The following FAM83H variants were observed in gnomAD, a reference collection of about 807,000 sequenced individuals.
FAM83H encodes the protein protein FAM83H.
FAM83H carries 24 observed loss-of-function variants against 30.2 expected under a neutral mutation model. The observed-to-expected ratio is 0.79, with a 90% CI of 0.57 to 1.12. The LOEUF is 1.12. Among genes scored for constraint, FAM83H ranks in the 50% most tolerant of loss-of-function variants. The pLI is 0.00. For missense variants in FAM83H, 2,038 were observed against 1,773.9 expected (o/e 1.15, Z -2.67); for synonymous variants, 1,013 against 821.7 (o/e 1.23, Z -3.98).
chr8:143,727,591 C>A lies in FAM83H; in HGVS notation c.1870G>T (p.Asp624Tyr). The A allele has an allele frequency of 6.3e-7, 1 of 1,583,994 alleles. No individual in the cohort carries two copies. Residue 624 changes from aspartate to tyrosine, a missense_variant, in exon 5 of 5, where the codon GAC (aspartate) becomes TAC (tyrosine). Physicochemically the swap from Asp to Tyr is radical, Grantham distance 160. Transcript: ENST00000388913. The stretch of plus-strand genomic sequence containing the variant: ...ACGCGGAAGGCCGAGGGGAGCAGGT[C>A]GCCGGCAGGTGCCCGGCCCCCGGGA... ...LAPGGRAPAGDLLPSAFRVPA... is the reference protein window; with the variant it reads ...LAPGGRAPAGYLLPSAFRVPA...
At chr8:143,730,686 CAG>C in intron 1 of FAM83H, 89 bp from the exon 2 acceptor site, 1 of 977,100 alleles carries the variant, frequency 1.0e-6, no homozygotes, top group East Asian at 2.7e-5. Flanking sequence ...AAAGGGCCGT[CAG>C]TGACTTGGGT....
At position 143,726,506 on chromosome 8, in the gene FAM83H, AC is replaced by A; in HGVS notation, c.2954del (p.Gly985ValfsTer87). On this transcript the variant is annotated frameshift_variant, in exon 5 of 5. Coordinates refer to ENST00000388913, the MANE Select transcript of FAM83H (RefSeq NM_198488.5). LOFTEE classifies it high-confidence loss of function. ...PKGERRMEDE[G>X]GFPVPQENGQ... Reference sequence around the variant, plus strand: ...CGTTCTCCTGCGGCACTGGGAAGCCACCCTCATCCTCCATGCGCCGCTCGCC... The same window carrying A: ...CGTTCTCCTGCGGCACTGGGAAGCCACCTCATCCTCCATGCGCCGCTCGCC... 1 of 1,605,996 alleles carries A rather than the reference AC, an allele frequency of 6.2e-7. No individual in the cohort carries two copies.
Position 143,727,366 on chromosome 8 carries a change from C to T in FAM83H, c.2095G>A (p.Ala699Thr). Reference protein sequence around the residue: ...STSQAEGAAGAAAATEKVQLL... With the variant: ...STSQAEGAAGTAAATEKVQLL... ...TGCACCTTCTCAGTGGCCGCCGCAG[C>T]CCCGGCCGCGCCCTCGGCCTGTGAC... is the stretch of plus-strand genomic sequence containing the variant. Residue 699 changes from alanine (A) to threonine (T), a missense_variant, in exon 5 of 5, where the codon GCT becomes ACT. Ala to Thr is a moderately conservative substitution (Grantham distance 58). Coordinates refer to ENST00000388913, the MANE Select transcript of FAM83H (RefSeq NM_198488.5). 8 of 1,569,774 alleles carry T rather than the reference C, an allele frequency of 5.1e-6. No individual in the cohort carries two copies. Among genetic ancestry groups the T allele is most frequent in the African/African-American group, 1.3e-5 (1 of 74,572 alleles).
Position 143,730,483 on chromosome 8 carries a change from C to A in FAM83H, c.100G>T (p.Ala34Ser). 1 of 1,608,004 alleles carries A rather than the reference C, an allele frequency of 6.2e-7. No individual in the cohort carries two copies. Residue 34 changes from alanine to serine, a missense_variant, in exon 2 of 5, where the codon GCA becomes TCA. Ala to Ser is a moderately conservative substitution (Grantham distance 99). Transcript: ENST00000388913. ...YKEYYRLAVD[A>S]LAEGGSEAYS... ...GCCTCCGAGCCACCCTCGGCCAGTG[C>A]ATCCACCGCCAGGCGGTAGTACTCT...
rs1011904159 is a variant in FAM83H at position 143,733,030 on chromosome 8, G to A, written c.-16+661C>T. ...ACAAAGTGGGGTGAACCTGTGCCAA[G>A]TTCCGATGGGCGCAGGAGGGCGCGG... On this transcript the variant is annotated intron_variant, in intron 1 of 4. Transcript: ENST00000388913. This position sits in a 1 kb window ranked among gnomAD's most constrained non-coding sequence, Gnocchi z 5.6. The A allele has an allele frequency of 6.5e-6, 1 of 154,466 alleles. No individual in the cohort carries two copies. The highest frequency in any genetic ancestry group is 1.5e-5 in the Non-Finnish European group (1 of 68,268). The allele number at this position is 154,466 out of a possible 1,614,324, so 9.6% of individuals were successfully genotyped here. A position where few individuals can be genotyped will look rare whatever the true frequency, so the allele number is the denominator to read the frequency against.
At position 143,729,333 on chromosome 8, in the gene FAM83H, C is replaced by T. The variant is rs782820331; in HGVS notation, c.448-10G>A. On this transcript the variant is annotated splice_polypyrimidine_tract_variant and intron_variant, in intron 2 of 4. Coordinates refer to ENST00000388913, the MANE Select transcript of FAM83H (RefSeq NM_198488.5). ...TCACCACGGCCACCACCTGCAGGGG[C>T]GGGTCAGGACGGAGAGGAGAGGCCC... is the stretch of plus-strand genomic sequence containing the variant. The T allele has an allele frequency of 2.5e-5, 40 of 1,612,468 alleles. No homozygotes were observed. Among genetic ancestry groups the T allele is most frequent in the Middle Eastern group, 1.6e-4 (1 of 6,064 alleles).
chr8:143,726,398 C>A lies in FAM83H; in HGVS notation c.3063G>T (p.Ala1021=). The change falls in exon 5 of 5, where the codon GCG becomes GCT. Residue 1021 remains alanine (A), a synonymous_variant. Transcript: ENST00000388913. The stretch of plus-strand genomic sequence containing the variant: ...CGTTGGCCGTGGCTGAGGACAGGCG[C>A]GCCCGCGGACCCCGCTCTTCTGTGG... ...EAATEERGPR[A]RLSSATANAL... 6.2e-7 allele frequency: 1 copy of A among 1,607,184 alleles called. No homozygotes were observed. Among genetic ancestry groups the A allele is most frequent in the South Asian group, 1.1e-5 (1 of 90,416 alleles).
Position 143,733,506 on chromosome 8 carries a change from T to G in FAM83H, c.-16+185A>C, listed in dbSNP as rs1818606783. ...TCCATATCCGCACAGCGGCGCCCCC[T>G]GTCCGAGCAGCCCCGCCACCCCGGC... On this transcript the variant is annotated intron_variant, in intron 1 of 4. Transcript: ENST00000388913. This position sits in a 1 kb window ranked among gnomAD's most constrained non-coding sequence, Gnocchi z 5.6. 6.6e-6 allele frequency among the ~76,000 whole-genome samples: 1 copy of G among 151,734 alleles called. No homozygotes were observed. The highest frequency in any genetic ancestry group is 1.5e-5 in the Non-Finnish European group (1 of 67,882).
rs992312839 is a variant in FAM83H, at chr8:143,733,470, G to C, written c.-16+221C>G. 1.3e-5 allele frequency among the ~76,000 whole-genome samples: 2 copies of C among 152,092 alleles called. No homozygotes were observed. The highest frequency in any genetic ancestry group is 3.9e-4 in the East Asian group (2 of 5,162). On this transcript the variant is annotated intron_variant, in intron 1 of 4. Transcript: ENST00000388913. This position sits in a 1 kb window ranked among gnomAD's most constrained non-coding sequence, Gnocchi z 5.6. ...CTCTTTTCGGGCCGGCGTCGTGCGG[G>C]GGCGCTCGCGTCCATATCCGCACAG...
In FAM83H at chr8:143,728,512, G is replaced by C. The variant is rs782599442; in HGVS notation, c.949C>G (p.Pro317Ala). Residue 317 changes from proline to alanine, a missense_variant, in exon 5 of 5, where the codon CCA becomes GCA. Transcript: ENST00000388913. The stretch of plus-strand genomic sequence containing the variant: ...CGTTTAGGGAAGGAGAAGGGGGTTG[G>C]CGCCCCGACCCCAGGGACGCCCACG... Reference protein sequence around the residue: ...PLVGVPGVGAPTPFSFPKRAH... With the variant: ...PLVGVPGVGAATPFSFPKRAH... The C allele has an allele frequency of 1.0e-5, 16 of 1,557,776 alleles. No homozygotes were observed. Among genetic ancestry groups the C allele is most frequent in the Non-Finnish European group, 1.4e-5 (16 of 1,151,022 alleles).
rs1231021006 is a variant in FAM83H, at chr8:143,733,395, C to T, written c.-16+296G>A. Among the ~76,000 whole-genome samples the T allele has an allele frequency of 1.3e-5, 2 of 152,176 alleles. No homozygotes were observed. The highest frequency in any genetic ancestry group is 2.1e-4 in the South Asian group (1 of 4,838). ...CTAGGCCGCGAGGGCGGGAGCGAGTCGGGACGGCCGGGCAGGCTCGACCCG... is the reference window on the plus strand; with the variant it reads ...CTAGGCCGCGAGGGCGGGAGCGAGTTGGGACGGCCGGGCAGGCTCGACCCG... On this transcript the variant is annotated intron_variant, in intron 1 of 4. Transcript: ENST00000388913. This position sits in a 1 kb window ranked among gnomAD's most constrained non-coding sequence, Gnocchi z 5.6.
Position 143,725,915 on chromosome 8 carries a change from G to C in FAM83H, c.*6C>G, listed in dbSNP as rs1818270867. On this transcript the variant is annotated 3_prime_UTR_variant, in exon 5 of 5. Coordinates refer to ENST00000388913, the MANE Select transcript of FAM83H (RefSeq NM_198488.5). Reference sequence around the variant, plus strand: ...CACCCTGGCCTGGGTTGCCAGGCCAGAAGACTCACTTCTTGCTTTTGAACG... The same window carrying C: ...CACCCTGGCCTGGGTTGCCAGGCCACAAGACTCACTTCTTGCTTTTGAACG... The C allele has an allele frequency of 1.2e-6, 2 of 1,612,614 alleles. No homozygotes were observed. The highest frequency in any genetic ancestry group is 1.1e-5 in the South Asian group (1 of 91,008).
chr8:143,730,107 C>T (rs1360550184), intron 2 of FAM83H, 29 bp downstream of exon 2: 1 of 1,503,704 alleles, frequency 6.7e-7, no homozygotes, highest in South Asian at 1.3e-5. Flanking sequence ...GGCCCCTCCC[C>T]CACTACCCTC....
chr8:143,731,284 C>G, intron 1 of FAM83H: 1 of 975,604 alleles, frequency 1.0e-6, no homozygotes. Flanking sequence ...GTGTCCGTCT[C>G]TGACTGCCTG....
Position 143,726,473 on chromosome 8 carries a change from G to C in FAM83H, c.2988C>G (p.Pro996=). The change falls in exon 5 of 5, where the codon CCC becomes CCG. Residue 996 remains proline (P), a synonymous_variant. Transcript: ENST00000388913. The part of the protein sequence containing the change: ...GFPVPQENGQ[P]ESPRRLSLGQ... ...CCAGTGACAGACGCCGCGGGCTCTC[G>C]GGTTGGCCGTTCTCCTGCGGCACTG... 1 of 1,603,532 alleles carries C rather than the reference G, an allele frequency of 6.2e-7. No individual in the cohort carries two copies. Among genetic ancestry groups the C allele is most frequent in the Non-Finnish European group, 8.5e-7 (1 of 1,178,454 alleles).
intron 1 of FAM83H, chr8:143,732,349 G>A: frequency 1.0e-6 from 1 of 985,440 alleles, no homozygotes; most frequent in Non-Finnish European, 1.2e-6. Flanking sequence ...GGCAGATCGA[G>A]GCCAACCACA....
rs782789374 is a variant in FAM83H at position 143,728,058 on chromosome 8, C to G, written c.1403G>C (p.Arg468Pro). The change falls in exon 5 of 5, where the codon CGC becomes CCC. Residue 468 changes from arginine (R) to proline (P), a missense_variant. Arg to Pro is a moderately radical substitution (Grantham distance 103). Transcript: ENST00000388913. ...YQWDPQLTPA[R>P]PQGLFEKLRG... is the part of the protein sequence containing the mutation. ...AAGCTTCTCGAACAGGCCTTGCGGG[C>G]GCGCCGGCGTGAGCTGCGGGTCCCA... 6.2e-7 allele frequency: 1 copy of G among 1,609,662 alleles called. No individual in the cohort carries two copies. The highest frequency in any genetic ancestry group is 8.5e-7 in the Non-Finnish European group (1 of 1,179,272).
Position 143,727,429 on chromosome 8 carries a change from G to T in FAM83H, c.2032C>A (p.Arg678Ser). 1 of 1,571,736 alleles carries T rather than the reference G, an allele frequency of 6.4e-7. No individual in the cohort carries two copies. The highest frequency in any genetic ancestry group is 1.1e-5 in the South Asian group (1 of 88,144). ...AGCGAGGAGCGCAGCCTGGAGCTGC[G>T]CTGGACCAGGGGGTTCAGGCGCGAG... ...FRSRLNPLVQ[R>S]SSRLRSSLIF... Residue 678 changes from arginine (R) to serine (S), a missense_variant, in exon 5 of 5, where the codon CGC becomes AGC. Physicochemically the swap from Arg to Ser is moderately radical, Grantham distance 110. Coordinates refer to ENST00000388913, the MANE Select transcript of FAM83H (RefSeq NM_198488.5).
chr8:143,729,059 G>A lies in FAM83H; in HGVS notation c.645C>T (p.Thr215=). ...AGGACTTCCCAGTGCGGCAGTAGTA[G>A]GTGGGGCCCGCCACAGTCCGTACGC... is the stretch of plus-strand genomic sequence containing the variant. The part of the protein sequence containing the change: ...FLRVRTVAGP[T]YYCRTGKSFK... The change falls in exon 4 of 5, where the codon ACC becomes ACT. Residue 215 remains threonine (T), a synonymous_variant. Coordinates refer to ENST00000388913, the MANE Select transcript of FAM83H (RefSeq NM_198488.5). The A allele has an allele frequency of 1.2e-6, 2 of 1,613,560 alleles. No homozygotes were observed. Among genetic ancestry groups the A allele is most frequent in the Non-Finnish European group, 1.7e-6 (2 of 1,180,012 alleles).
Sources: allele counts gnomAD v4.1 joint callset (sites outside exome capture counted in the v4.1 genomes callset), GRCh38; gene constraint gnomAD v4.1.1; non-coding constraint Gnocchi (gnomAD v3.1); transcripts MANE v1.5; gene names NCBI Gene and HGNC (gene_info 2026-07-23, HGNC 2026-07-21).